MBNL2: variants seen among roughly 807,000 people sequenced by gnomAD.
The protein encoded by MBNL2 is muscleblind like splicing regulator 2, also known as muscleblind-like protein 2.
In MBNL2, 17 loss-of-function variants were observed where a neutral mutation model predicts 41.9. The observed-to-expected ratio is 0.41, with a 90% CI of 0.28 to 0.61. The LOEUF (loss-of-function observed/expected upper bound fraction) is 0.61. Among genes scored for constraint, MBNL2 ranks in the 20% least tolerant of loss-of-function variants. MBNL2 has a pLI of 0.35. For missense variants in MBNL2, 336 were observed against 505.6 expected (o/e 0.66, Z 3.22); for synonymous variants, 195 against 182.9 (o/e 1.07, Z -0.53).
chr13:97,290,624 C>G (rs906494755), intron 2 of MBNL2, among the ~76,000 whole-genome samples: 15 of 148,392 alleles, frequency 1.0e-4, no homozygotes, highest in African/African-American at 3.0e-4. Flanking sequence ...TGCAGTGAGC[C>G]GAGATTGCGC....
At chr13:97,165,479 C>G in the MBNL2 span, among the ~76,000 whole-genome samples, 71,447 of 152,040 alleles carry the variant, frequency 0.47, 20,009 homozygotes, top group Non-Finnish European at 0.62. Flanking sequence ...TCCTTTAGTT[C>G]TGAATTAATT....
upstream of MBNL2, among the ~76,000 whole-genome samples, chr13:97,216,485 C>T (rs1313371704): frequency 6.6e-6 from 1 of 152,076 alleles, no homozygotes; most frequent in South Asian, 2.1e-4. Context: ...AGAAATAAGC[C>T]CTAAGATTGA....
chr13:97,219,755 C>T (rs911077101), upstream of MBNL2, among the ~76,000 whole-genome samples: 5 of 152,178 alleles, frequency 3.3e-5, no homozygotes, highest in Non-Finnish European at 7.3e-5. Flanking sequence ...ATTCAGTCCA[C>T]AGCAAAGGTT....
the MBNL2 span, among the ~76,000 whole-genome samples, chr13:97,180,131 G>C: frequency 6.6e-6 from 1 of 150,508 alleles, no homozygotes; most frequent in South Asian, 2.1e-4. Context: ...AATTGAAACA[G>C]AGAGAATTAG....
chr13:97,284,641 A>G (rs1045420086), intron 2 of MBNL2, among the ~76,000 whole-genome samples: 3 of 152,228 alleles, frequency 2.0e-5, no homozygotes, highest in Non-Finnish European at 2.9e-5. Context: ...CCATTAATAT[A>G]ATATATACAC....
rs1195208821 is a variant in MBNL2 at position 97,393,883 on chromosome 13, G to A, written c.*2434G>A. 1.3e-5 allele frequency: 2 copies of A among 152,394 alleles called. No individual in the cohort carries two copies. The highest frequency in any genetic ancestry group is 2.9e-5 in the Non-Finnish European group (2 of 67,942). The allele number at this position is 152,394 out of a possible 1,614,324, so 9.4% of individuals were successfully genotyped here. A position where few individuals can be genotyped will look rare whatever the true frequency, so the allele number is the denominator to read the frequency against. On this transcript the variant is annotated 3_prime_UTR_variant, in exon 9 of 9. Transcript: ENST00000679496. ...AAGAGACTAACTCTCCACTTGTATG[G>A]GAACTACATTTCACTCTTGGTTTTC...
chr13:97,202,191 A>G, the MBNL2 span, among the ~76,000 whole-genome samples: 1 of 152,236 alleles, frequency 6.6e-6, no homozygotes, highest in Admixed American at 6.5e-5. Context: ...TGGGCTGGAA[A>G]TAGATGAAAT....
chr13:97,357,722 T>G (rs762510120), intron 7 of MBNL2, 87 bp downstream of exon 7: 2 of 1,364,968 alleles, frequency 1.5e-6, no homozygotes, highest in South Asian at 2.3e-5. Context: ...GGCATCTAGT[T>G]TGCTTTTGAA....
At position 97,343,099 on chromosome 13, in the gene MBNL2, T is replaced by C. The variant is rs778157744; in HGVS notation, c.423T>C (p.Val141=). ...APYLAPVTPG[V]GLVPTEILPT... is the part of the protein sequence containing the mutation. The stretch of plus-strand genomic sequence containing the variant: ...ACCTAGCACCTGTAACCCCTGGAGT[T>C]GGGTTGGTCCCAACGGAAATTCTGC... Residue 141 remains valine, a synonymous_variant, in exon 4 of 9, where the codon GTT becomes GTC. Transcript: ENST00000679496. The C allele has an allele frequency of 3.7e-6, 6 of 1,613,844 alleles. No homozygotes were observed. In the African/African-American group the frequency reaches 8.0e-5, roughly 22 times the overall value.
intron 2 of MBNL2, among the ~76,000 whole-genome samples, chr13:97,323,469 A>G (rs1005764829): frequency 2.6e-5 from 4 of 152,230 alleles, no homozygotes; most frequent in African/African-American, 4.8e-5. Context: ...TATTCCCTAA[A>G]CAGTAAAGTA....
the MBNL2 span, among the ~76,000 whole-genome samples, chr13:97,206,366 C>G: frequency 6.6e-6 from 1 of 151,708 alleles, no homozygotes; most frequent in African/African-American, 2.4e-5. Context: ...ATTAAGATCT[C>G]TCAGCTTTCC....
At chr13:97,208,374 T>C in the MBNL2 span, among the ~76,000 whole-genome samples, 3 of 152,192 alleles carry the variant, frequency 2.0e-5, no homozygotes, top group Non-Finnish European at 4.4e-5. Flanking sequence ...ATCATTATTG[T>C]GACTTAGGCA....
At chr13:97,148,295 G>A in the MBNL2 span, among the ~76,000 whole-genome samples, 1 of 152,124 alleles carries the variant, frequency 6.6e-6, no homozygotes, top group Non-Finnish European at 1.5e-5. Context: ...TAGGACCTGA[G>A]AAGAAGGACA....
At chr13:97,296,020 A>C (rs1382288766) in intron 2 of MBNL2, among the ~76,000 whole-genome samples, 1 of 152,156 alleles carries the variant, frequency 6.6e-6, no homozygotes, top group Non-Finnish European at 1.5e-5. Context: ...TATTTGTCAA[A>C]CTTCCACATT....
In MBNL2 at chr13:97,346,526, C is replaced by T. The variant is rs574224557; in HGVS notation, c.541-278C>T. ...TATGCTACCCAGGGACAATGGAGGC[C>T]TTGTTGCTTTTCCTTTGTTATTTTA... On this transcript the variant is annotated intron_variant, in intron 4 of 8. Coordinates refer to ENST00000679496, the MANE Select transcript of MBNL2 (RefSeq NM_001382683.1). This position sits in a 1 kb window ranked among gnomAD's most constrained non-coding sequence, Gnocchi z 4.2. Among the ~76,000 whole-genome samples, 27 of 152,260 alleles carry T rather than the reference C, an allele frequency of 1.8e-4. 1 individual carries two copies. The South Asian group carries it at 5.4e-3, about 30-fold the overall frequency.
At chr13:97,384,269 G>A (rs1435119577) in intron 8 of MBNL2, among the ~76,000 whole-genome samples, 2 of 152,154 alleles carry the variant, frequency 1.3e-5, no homozygotes, top group Non-Finnish European at 2.9e-5. Context: ...TTGTTAACAT[G>A]TATAATTATA....
chr13:97,253,651 A>T lies in MBNL2; in HGVS notation c.-604-21981A>T, dbSNP rs890321141. On this transcript the variant is annotated intron_variant, in intron 1 of 8. Transcript: ENST00000679496. ...TGCAGGAAAATTAAACATGTTTCAAATTTACTAGTTTTATCACTCATATAA... is the reference window on the plus strand; with the variant it reads ...TGCAGGAAAATTAAACATGTTTCAATTTTACTAGTTTTATCACTCATATAA... Among the ~76,000 whole-genome samples the T allele has an allele frequency of 9.9e-5, 15 of 152,212 alleles. No individual in the cohort carries two copies. The East Asian group carries it at 2.9e-3, about 29-fold the overall frequency.
the MBNL2 span, among the ~76,000 whole-genome samples, chr13:97,156,379 T>G: frequency 6.8e-6 from 1 of 147,728 alleles, no homozygotes; most frequent in African/African-American, 2.5e-5. Flanking sequence ...TCTCTTGCTG[T>G]GCAGAAGCTC....
chr13:97,248,072 G>T (rs1418801602), intron 1 of MBNL2, among the ~76,000 whole-genome samples: 1 of 152,078 alleles, frequency 6.6e-6, no homozygotes, highest in Non-Finnish European at 1.5e-5. Flanking sequence ...TTTATTATTT[G>T]CATAGCAATT....
Sources: gnomAD v4.1 joint callset for allele counts (sites outside exome capture counted in the v4.1 genomes callset) on GRCh38, gnomAD v4.1.1 for gene constraint, Gnocchi (gnomAD v3.1) non-coding constraint, MANE v1.5 for transcripts, NCBI Gene and HGNC (gene_info 2026-07-23, HGNC 2026-07-21) for gene names.